IL1RAPL2: variants seen among roughly 807,000 people sequenced by gnomAD.
The protein encoded by IL1RAPL2 is interleukin 1 receptor accessory protein like 2.
A neutral mutation model predicts 44.1 loss-of-function variants in IL1RAPL2; 3 were observed. The observed-to-expected ratio is 0.07, with a 90% CI of 0.03 to 0.18. The LOEUF is 0.18. Among genes scored for constraint, IL1RAPL2 ranks in the 10% least tolerant of loss-of-function variants. The pLI is 1.00. For synonymous variants in IL1RAPL2, 181 were observed against 178.8 expected, an observed-to-expected ratio of 1.01 and a Z score of -0.10; for missense variants, 391 against 496.4, an observed-to-expected ratio of 0.79 and a Z score of 2.02.
intron 2 of IL1RAPL2, among the ~76,000 whole-genome samples, chrX:104,726,124 C>T (rs1235489376): frequency 9.0e-6 from 1 of 111,533 alleles, no homozygotes; most frequent in East Asian, 2.8e-4. Flanking sequence ...TTTCCCAACA[C>T]CATTTATAAA....
chrX:105,011,951 A>C (rs1449236241), intron 2 of IL1RAPL2, among the ~76,000 whole-genome samples: 1 of 111,353 alleles, frequency 9.0e-6, no homozygotes, highest in Non-Finnish European at 1.9e-5. Context: ...ATGCCCCTTA[A>C]AGGAGCATTC....
intron 1 of IL1RAPL2, among the ~76,000 whole-genome samples, chrX:104,606,558 A>G (rs1423591502): frequency 8.9e-6 from 1 of 112,034 alleles, no homozygotes. Flanking sequence ...ATGATTGTAT[A>G]TTTAGAAAAC....
intron 2 of IL1RAPL2, among the ~76,000 whole-genome samples, chrX:105,014,498 T>C (rs2031131159): frequency 9.0e-6 from 1 of 110,936 alleles, no homozygotes; most frequent in South Asian, 3.9e-4. Flanking sequence ...TGGTGTATGA[T>C]GTTCCCCTCT....
chrX:105,310,064 T>A (rs889484297), intron 5 of IL1RAPL2, among the ~76,000 whole-genome samples: 2 of 111,447 alleles, frequency 1.8e-5, no homozygotes, highest in African/African-American at 3.3e-5. Context: ...TCTTAAGACA[T>A]TTGATGAAAC....
intron 2 of IL1RAPL2, among the ~76,000 whole-genome samples, chrX:105,042,377 A>G (rs1251706627): frequency 1.8e-5 from 2 of 110,773 alleles, no homozygotes; most frequent in Non-Finnish European, 3.8e-5. Context: ...AAACAAATTT[A>G]CAAGAAAGAA....
At chrX:105,218,377 G>C (rs781995849) in intron 3 of IL1RAPL2, among the ~76,000 whole-genome samples, 6 of 111,115 alleles carry the variant, frequency 5.4e-5, no homozygotes, top group Admixed American at 9.6e-5. Context: ...CCATGGCTCC[G>C]GTCCTGGCCC....
intron 6 of IL1RAPL2, among the ~76,000 whole-genome samples, chrX:105,601,082 T>G (rs1399678443): frequency 8.9e-6 from 1 of 111,829 alleles, no homozygotes; most frequent in Non-Finnish European, 1.9e-5. Context: ...TTCATATATT[T>G]TGTCCATATG....
chrX:104,823,796 A>G (rs1347476972), intron 2 of IL1RAPL2, among the ~76,000 whole-genome samples: 1 of 112,004 alleles, frequency 8.9e-6, no homozygotes, highest in Non-Finnish European at 1.9e-5. Context: ...GGCTGAGACA[A>G]TGGTGTTTTC....
intron 5 of IL1RAPL2, among the ~76,000 whole-genome samples, chrX:105,338,843 T>C (rs113947717): frequency 0.013 from 1,487 of 111,861 alleles, 22 homozygotes; most frequent in African/African-American, 0.045. Context: ...CTCATGACTA[T>C]AATCTCAGCA....
chrX:105,074,298 G>A (rs1211033576), intron 2 of IL1RAPL2, among the ~76,000 whole-genome samples: 10 of 111,222 alleles, frequency 9.0e-5, no homozygotes, highest in Non-Finnish European at 1.3e-4. Flanking sequence ...TTAAATAGGG[G>A]ATCCTTTCCC....
chrX:104,844,710 TG>T (rs1383530005), intron 2 of IL1RAPL2, among the ~76,000 whole-genome samples: 5 of 111,856 alleles, frequency 4.5e-5, no homozygotes, highest in Non-Finnish European at 9.4e-5. Flanking sequence ...TTGGGCTGCA[TG>T]TGGTCCACGG....
intron 2 of IL1RAPL2, among the ~76,000 whole-genome samples, chrX:104,659,734 A>G (rs774178370): frequency 4.4e-5 from 5 of 112,462 alleles, no homozygotes; most frequent in Non-Finnish European, 9.4e-5. Context: ...GTGTTATTAT[A>G]TGGAAACAAA....
At chrX:105,671,900 G>C (rs916791360) in intron 6 of IL1RAPL2, among the ~76,000 whole-genome samples, 3 of 110,159 alleles carry the variant, frequency 2.7e-5, no homozygotes, top group Non-Finnish European at 5.7e-5. Context: ...TTTTCAGTTC[G>C]ATGGTTTATT....
intron 6 of IL1RAPL2, among the ~76,000 whole-genome samples, chrX:105,551,773 C>T (rs2036858087): frequency 8.9e-6 from 1 of 111,991 alleles, no homozygotes; most frequent in African/African-American, 3.2e-5. Context: ...AATGTTAACT[C>T]TCCTGGGCTA....
At chrX:104,688,579 C>T (rs989756544) in intron 2 of IL1RAPL2, among the ~76,000 whole-genome samples, 10 of 111,206 alleles carry the variant, frequency 9.0e-5, no homozygotes, top group African/African-American at 3.3e-4. Flanking sequence ...GAATGTGATT[C>T]TTCCTGCTGC....
At chrX:105,644,586 T>C (rs2037592357) in intron 6 of IL1RAPL2, among the ~76,000 whole-genome samples, 1 of 102,476 alleles carries the variant, frequency 9.8e-6, no homozygotes, top group African/African-American at 3.3e-5. Context: ...TCTACTGTTA[T>C]TCTTCAAGTT....
chrX:104,747,660 T>C (rs775189515), intron 2 of IL1RAPL2, among the ~76,000 whole-genome samples: 1 of 110,936 alleles, frequency 9.0e-6, no homozygotes, highest in Non-Finnish European at 1.9e-5. Context: ...GAGTAGTCGT[T>C]AACCAGGCTA....
At chrX:105,694,912 G>GA (rs1459959565) in intron 6 of IL1RAPL2, among the ~76,000 whole-genome samples, 1 of 111,253 alleles carries the variant, frequency 9.0e-6, no homozygotes, top group Non-Finnish European at 1.9e-5. Flanking sequence ...ATTTGTAAAG[G>GA]AAAAATGACC....
intron 2 of IL1RAPL2, among the ~76,000 whole-genome samples, chrX:104,737,802 C>G (rs1475885670): frequency 2.7e-5 from 3 of 111,730 alleles, no homozygotes; most frequent in Non-Finnish European, 5.6e-5. Context: ...TTTTCTTGTT[C>G]TTCTTCCAGC....
Sources: gnomAD v4.1 joint callset for allele counts (sites outside exome capture counted in the v4.1 genomes callset) on GRCh38, gnomAD v4.1.1 for gene constraint, MANE v1.5 for transcripts, NCBI Gene and HGNC (gene_info 2026-07-23, HGNC 2026-07-21) for gene names.